DDX20: variants seen among roughly 807,000 people sequenced by gnomAD.
The protein encoded by DDX20 is probable ATP-dependent RNA helicase DDX20.
A neutral mutation model predicts 76.4 loss-of-function variants in DDX20; 61 were observed. That is an observed-to-expected ratio of 0.80 (90% CI 0.65 to 0.99). The LOEUF is 0.99. Among genes scored for constraint, DDX20 ranks in the 50% least tolerant of loss-of-function variants. The pLI is 0.00. For synonymous variants in DDX20, 357 were observed against 357.4 expected (o/e 1.00, Z 0.01); for missense variants, 976 against 996.8 (o/e 0.98, Z 0.28).
chr1:111,766,260 C>A lies in DDX20; in HGVS notation c.1836C>A (p.Ile612=). The change falls in exon 11 of 11, where the codon ATC becomes ATA. Residue 612 remains isoleucine (I), a synonymous_variant. Transcript: ENST00000369702. ...AGGGGTTAGAGAAACCTGTGGAAAT[C>A]ATCAGGCACTACACAGGCCCTGGGG... ...IKEGLEKPVE[I]IRHYTGPGDQ... 3.7e-6 allele frequency: 6 copies of A among 1,614,140 alleles called. No homozygotes were observed. Among genetic ancestry groups the A allele is most frequent in the Non-Finnish European group, 4.2e-6 (5 of 1,180,004 alleles).
rs1439947428 is a variant in DDX20, at chr1:111,755,952, G to C, written c.28G>C (p.Ala10Pro). Residue 10 changes from alanine to proline, a missense_variant, in exon 1 of 11, where the codon GCC (alanine) becomes CCC (proline). By Grantham distance (27) the Ala-to-Pro change is conservative. Transcript: ENST00000369702. ...GGCGGCGGCATTTGAAGCCTCGGGA[G>C]CCTTAGCAGCAGTGGCGACTGCTAT... MAAAFEASG[A>P]LAAVATAMPA... 6.3e-7 allele frequency: 1 copy of C among 1,588,600 alleles called. No homozygotes were observed. Among genetic ancestry groups the C allele is most frequent in the Non-Finnish European group, 8.6e-7 (1 of 1,162,872 alleles).
chr1:111,757,539 G>A (rs1201775147), intron 2 of DDX20, among the ~76,000 whole-genome samples: 2 of 152,212 alleles, frequency 1.3e-5, no homozygotes, highest in Non-Finnish European at 2.9e-5. Context: ...GGGATTCAAA[G>A]ATGAATTAGA....
At position 111,766,802 on chromosome 1, in the gene DDX20, A is replaced by T; in HGVS notation, c.2378A>T (p.His793Leu). ...AWQEYYAAAS[H>L]SYYWNAQRHP... is the part of the protein sequence containing the mutation. Reference sequence around the variant, plus strand: ...CAAGAATATTATGCTGCCGCTTCTCATTCATATTATTGGAATGCTCAGAGA... The same window carrying T: ...CAAGAATATTATGCTGCCGCTTCTCTTTCATATTATTGGAATGCTCAGAGA... The change falls in exon 11 of 11, where the codon CAT becomes CTT. Residue 793 changes from histidine (H) to leucine (L), a missense_variant. Transcript: ENST00000369702. 1.2e-6 allele frequency: 2 copies of T among 1,614,158 alleles called. No individual in the cohort carries two copies. Among genetic ancestry groups the T allele is most frequent in the Non-Finnish European group, 8.5e-7 (1 of 1,179,990 alleles).
Position 111,767,017 on chromosome 1 carries a change from C to T in DDX20, c.*118C>T. ...GGCATTTCTGATAAACTTGAAAAGACTTGAGTCTTTCCACTGGGACACATC... is the reference window on the plus strand; with the variant it reads ...GGCATTTCTGATAAACTTGAAAAGATTTGAGTCTTTCCACTGGGACACATC... On this transcript the variant is annotated 3_prime_UTR_variant, in exon 11 of 11. Coordinates refer to ENST00000369702, the MANE Select transcript of DDX20 (RefSeq NM_007204.5). 1.3e-6 allele frequency: 1 copy of T among 762,046 alleles called. No homozygotes were observed. The highest frequency in any genetic ancestry group is 2.1e-5 in the South Asian group (1 of 46,956). The allele number at this position is 762,046 out of a possible 1,614,324, so 47.2% of individuals were successfully genotyped here. A position where few individuals can be genotyped will look rare whatever the true frequency, so the allele number is the denominator to read the frequency against.
intron 9 of DDX20, 23 bp downstream of exon 9, chr1:111,762,805 G>C (rs1202902703): frequency 6.9e-7 from 1 of 1,451,114 alleles, no homozygotes; most frequent in Non-Finnish European, 9.6e-7. Flanking sequence ...AAAAAAGTTT[G>C]AGTGCTTTCT....
chr1:111,761,525 T>G, intron 7 of DDX20: 1 of 370,708 alleles, frequency 2.7e-6, no homozygotes, highest in Non-Finnish European at 4.8e-6. Flanking sequence ...AAGACAATTT[T>G]ATTAGAATCT....
In DDX20 at chr1:111,759,574, A is replaced by T. The variant is rs1368258893; in HGVS notation, c.565+6A>T. ...TATTGCTGTTGGATCTCCTGGTAAG[A>T]TAACAATGCCTGTTGGTAACCAGGG... On this transcript the variant is annotated splice_donor_region_variant and intron_variant, in intron 3 of 10. Transcript: ENST00000369702. 4.3e-6 allele frequency: 7 copies of T among 1,610,432 alleles called. No homozygotes were observed. Among genetic ancestry groups the T allele is most frequent in the East Asian group, 2.2e-5 (1 of 44,834 alleles).
intron 10 of DDX20, among the ~76,000 whole-genome samples, chr1:111,764,439 CTAG>C (rs1314490169): frequency 1.3e-5 from 2 of 152,100 alleles, no homozygotes; most frequent in African/African-American, 4.8e-5. Flanking sequence ...TCTATGTATT[CTAG>C]TAGATCGGGT....
At chr1:111,760,046 A>G (rs1356143861) in intron 3 of DDX20, among the ~76,000 whole-genome samples, 1 of 151,914 alleles carries the variant, frequency 6.6e-6, no homozygotes, top group Non-Finnish European at 1.5e-5. Flanking sequence ...CTGGTTTACC[A>G]GTGGAATTTA....
intron 10 of DDX20, among the ~76,000 whole-genome samples, chr1:111,765,048 A>G (rs1557923600): frequency 6.6e-6 from 1 of 152,254 alleles, no homozygotes; most frequent in Admixed American, 6.5e-5. Flanking sequence ...GGCTTGATAT[A>G]TCTTGTCTGC....
chr1:111,765,651 CA>C, intron 10 of DDX20, 85 bp from the exon 11 acceptor site: 1 of 1,117,350 alleles, frequency 8.9e-7, no homozygotes, highest in South Asian at 1.7e-5. Flanking sequence ...TGTATTTGAT[CA>C]TAGAAAACTT....
intron 7 of DDX20, 57 bp from the exon 8 acceptor site, chr1:111,762,198 G>A: frequency 3.5e-6 from 5 of 1,411,556 alleles, no homozygotes; most frequent in Non-Finnish European, 4.9e-6. Flanking sequence ...TTGTGGATTG[G>A]ATAAATATGT....
At chr1:111,756,266 G>GGGGGCC in intron 1 of DDX20, 41 bp downstream of exon 1, 2 of 842,538 alleles carry the variant, frequency 2.4e-6, no homozygotes, top group Non-Finnish European at 3.3e-6. Context: ...GGTGGGGTGG[G>GGGGGCC]AGAAGGGGGA....
chr1:111,763,263 A>AC (rs1663711120), intron 10 of DDX20, among the ~76,000 whole-genome samples: 1 of 152,158 alleles, frequency 6.6e-6, no homozygotes, highest in South Asian at 2.1e-4. Flanking sequence ...GTGCAAGCTA[A>AC]CCACTGGCAC....
chr1:111,758,915 T>TTGAA (rs569145436), intron 2 of DDX20, among the ~76,000 whole-genome samples: 57 of 152,278 alleles, frequency 3.7e-4, no homozygotes, highest in African/African-American at 1.1e-3. Context: ...TTAATATTTG[T>TTGAA]TGAATGAATG....
intron 10 of DDX20, 107 bp downstream of exon 10, chr1:111,763,114 C>T: frequency 1.2e-6 from 1 of 857,652 alleles, no homozygotes; most frequent in Non-Finnish European, 1.8e-6. Flanking sequence ...GGGTACTGTT[C>T]CCAGTCCTGT....
At chr1:111,765,646 T>C (rs1663762989) in intron 10 of DDX20, 91 bp from the exon 11 acceptor site, 1 of 1,087,802 alleles carries the variant, frequency 9.2e-7, no homozygotes, top group Non-Finnish European at 1.3e-6. Context: ...TTAAATGTAT[T>C]TGATCATAGA....
intron 10 of DDX20, among the ~76,000 whole-genome samples, chr1:111,764,396 T>C (rs1436438032): frequency 6.6e-6 from 1 of 152,262 alleles, no homozygotes; most frequent in Admixed American, 6.5e-5. Flanking sequence ...TTTAATTATT[T>C]TACAGAGCTA....
In DDX20 at chr1:111,758,445, A is replaced by G. The variant is rs148938074; in HGVS notation, c.397-955A>G. Among the ~76,000 whole-genome samples, 1,053 of 151,158 alleles carry G rather than the reference A, an allele frequency of 7.0e-3. 5 individuals are homozygous for G. Among genetic ancestry groups the G allele is most frequent in the East Asian group, 0.018 (91 of 5,118 alleles). On this transcript the variant is annotated intron_variant, in intron 2 of 10. Coordinates refer to ENST00000369702, the MANE Select transcript of DDX20 (RefSeq NM_007204.5). The stretch of plus-strand genomic sequence containing the variant: ...CTCCTCCTCCAGTAGTTACATTGCA[A>G]AGTTTTTACCATGACTCTCAAGGTC...
Sources: gnomAD v4.1 joint callset for allele counts (sites outside exome capture counted in the v4.1 genomes callset) on GRCh38, gnomAD v4.1.1 for gene constraint, MANE v1.5 for transcripts, NCBI Gene and HGNC (gene_info 2026-07-23, HGNC 2026-07-21) for gene names.